ZNF496: variants seen among roughly 807,000 people sequenced by gnomAD.
ZNF496 encodes the protein zinc finger protein 496.
Under a neutral mutation model 58.9 loss-of-function variants are expected in ZNF496, and 11 were observed. The ratio of observed to expected loss-of-function variants is 0.19; its 90% CI spans 0.12 to 0.31. The LOEUF (loss-of-function observed/expected upper bound fraction) is 0.31, where lower values mean the gene tolerates loss of function less well. ZNF496 is among the 10% of genes least tolerant of loss of function. The probability of loss-of-function intolerance (pLI) is 1.00; values close to 1 mark genes in which losing one functional copy is unlikely to be tolerated. For synonymous variants in ZNF496, 338 were observed against 318.2 expected (o/e 1.06, Z -0.66); for missense variants, 660 against 783.0 (o/e 0.84, Z 1.88).
At chr1:247,325,493 C>T (rs974456670) in intron 5 of ZNF496, among the ~76,000 whole-genome samples, 10 of 152,006 alleles carry the variant, frequency 6.6e-5, no homozygotes, top group African/African-American at 2.4e-4. Context: ...CAAATCTATA[C>T]CTCATATATT....
At chr1:247,305,538 AG>A in intron 9 of ZNF496, among the ~76,000 whole-genome samples, 1 of 152,342 alleles carries the variant, frequency 6.6e-6, no homozygotes, top group East Asian at 1.9e-4. Context: ...TGCAGCGTGC[AG>A]GTAACTCCAT....
intron 6 of ZNF496, among the ~76,000 whole-genome samples, chr1:247,315,060 C>T (rs1325777183): frequency 1.8e-4 from 22 of 121,460 alleles, no homozygotes; most frequent in Admixed American, 6.3e-4. Context: ...CTTGACTAGT[C>T]TTTTTTTTTT....
intron 2 of ZNF496, among the ~76,000 whole-genome samples, chr1:247,331,030 G>A (rs1010654485): frequency 1.3e-4 from 20 of 152,154 alleles, no homozygotes; most frequent in Admixed American, 1.3e-4. Context: ...TGGAGCCCGG[G>A]GTGGGCCCCG....
chr1:247,326,949 G>A lies in ZNF496; in HGVS notation c.574+1734C>T, dbSNP rs184966749. On this transcript the variant is annotated intron_variant, in intron 5 of 9. Coordinates refer to ENST00000682384, the MANE Select transcript of ZNF496 (RefSeq NM_032752.3). Reference sequence around the variant, plus strand: ...TCCTTTCCCTGAAAGAAAACCGCCCGTCATCAAGAGTCCTGGCACAAAGCT... The same window carrying A: ...TCCTTTCCCTGAAAGAAAACCGCCCATCATCAAGAGTCCTGGCACAAAGCT... Among the ~76,000 whole-genome samples, 710 of 152,202 alleles carry A rather than the reference G, an allele frequency of 4.7e-3. 8 individuals carry two copies. The highest frequency in any genetic ancestry group is 6.8e-3 in the Non-Finnish European group (460 of 68,014).
Position 247,308,732 on chromosome 1 carries a change from A to G in ZNF496, c.893-144T>C, listed in dbSNP as rs990556595. On this transcript the variant is annotated intron_variant, in intron 8 of 9. Transcript: ENST00000682384. The surrounding 1 kb of genome is among the most constrained non-coding windows in gnomAD (Gnocchi z 4.5). ...GGGACTGGCAGGGGGTGGCCACTCAATAAGTGTCTGCTGAGTGAATGAACC... is the reference window on the plus strand; with the variant it reads ...GGGACTGGCAGGGGGTGGCCACTCAGTAAGTGTCTGCTGAGTGAATGAACC... 15 of 682,858 alleles carry G rather than the reference A, an allele frequency of 2.2e-5. No homozygotes were observed. The highest frequency in any genetic ancestry group is 7.3e-5 in the South Asian group (4 of 54,980). The allele number at this position is 682,858 out of a possible 1,614,324, so 42.3% of individuals were successfully genotyped here. A position where few individuals can be genotyped will look rare whatever the true frequency, so the allele number is the denominator to read the frequency against.
Position 247,310,303 on chromosome 1 carries a change from TG to T in ZNF496, c.784+20del. On this transcript the variant is annotated intron_variant, in intron 7 of 9. Coordinates refer to ENST00000682384, the MANE Select transcript of ZNF496 (RefSeq NM_032752.3). ...TGCCCAGTTCCCTGGTCTTGAGGTGTGGGGGGAAGTTAAGTCTTACTTGGAG... is the reference window on the plus strand; with the variant it reads ...TGCCCAGTTCCCTGGTCTTGAGGTGTGGGGGAAGTTAAGTCTTACTTGGAG... 1 of 1,613,848 alleles carries T rather than the reference TG, an allele frequency of 6.2e-7. No homozygotes were observed. Among genetic ancestry groups the T allele is most frequent in the South Asian group, 1.1e-5 (1 of 91,064 alleles).
intron 6 of ZNF496, among the ~76,000 whole-genome samples, chr1:247,317,375 A>T (rs987780650): frequency 2.0e-5 from 3 of 152,232 alleles, no homozygotes; most frequent in Admixed American, 6.5e-5. Context: ...CAAACAGGTA[A>T]TAACTGCTCT....
intron 6 of ZNF496, chr1:247,322,861 T>C (rs777417444): frequency 8.7e-7 from 1 of 1,153,502 alleles, no homozygotes; most frequent in South Asian, 1.3e-5. Context: ...AACTTAGACA[T>C]GCTGAGAGGC....
At chr1:247,315,767 A>G (rs1659747598) in intron 6 of ZNF496, among the ~76,000 whole-genome samples, 1 of 152,236 alleles carries the variant, frequency 6.6e-6, no homozygotes, top group South Asian at 2.1e-4. Flanking sequence ...AATAAAAAGA[A>G]AGAGAATACC....
chr1:247,310,491 G>C, intron 6 of ZNF496, 35 bp from the exon 7 acceptor site: 2 of 1,612,542 alleles, frequency 1.2e-6, no homozygotes, highest in Non-Finnish European at 8.5e-7. Context: ...GCCTCAGTCC[G>C]GGACGAGCTA....
Position 247,308,845 on chromosome 1 carries a change from T to C in ZNF496, c.893-257A>G, listed in dbSNP as rs1338929369. 5.9e-5 allele frequency: 26 copies of C among 438,200 alleles called. No individual in the cohort carries two copies. Among genetic ancestry groups the C allele is most frequent in the Non-Finnish European group, 1.1e-4 (26 of 235,594 alleles). 27.1% of individuals were successfully genotyped at this position (438,200 alleles called of 1,614,324 possible). On this transcript the variant is annotated intron_variant, in intron 8 of 9. Transcript: ENST00000682384. The surrounding 1 kb of genome is among the most constrained non-coding windows in gnomAD (Gnocchi z 4.5). The stretch of plus-strand genomic sequence containing the variant: ...TCCGGGTTCTACTCCACCCACTCTA[T>C]GGCCAGAGACAAGCACTTCCCCCAG...
At chr1:247,331,013 C>T (rs553346388) in intron 2 of ZNF496, among the ~76,000 whole-genome samples, 1 of 152,226 alleles carries the variant, frequency 6.6e-6, no homozygotes, top group African/African-American at 2.4e-5. Flanking sequence ...AGGGCGGCTC[C>T]GGCATCTGGA....
At position 247,300,297 on chromosome 1, in the gene ZNF496, T is replaced by C; in HGVS notation, c.*222A>G. 1 of 455,276 alleles carries C rather than the reference T, an allele frequency of 2.2e-6. No individual in the cohort carries two copies. The highest frequency in any genetic ancestry group is 3.8e-6 in the Non-Finnish European group (1 of 263,698). 28.2% of individuals were successfully genotyped at this position (455,276 alleles called of 1,614,324 possible). A position where few individuals can be genotyped will look rare whatever the true frequency, so the allele number is the denominator to read the frequency against. ...GGTGATGGCACATCCCCCCCGTTTT[T>C]TGGCACAGCAGAAACAGAACACTCA... On this transcript the variant is annotated 3_prime_UTR_variant, in exon 10 of 10. Transcript: ENST00000682384. This position sits in a 1 kb window ranked among gnomAD's most constrained non-coding sequence, Gnocchi z 5.7.
At position 247,300,797 on chromosome 1, in the gene ZNF496, T is replaced by C. The variant is rs1659213128; in HGVS notation, c.1486A>G (p.Lys496Glu). 1 of 1,601,552 alleles carries C rather than the reference T, an allele frequency of 6.2e-7. No homozygotes were observed. The change falls in exon 10 of 10, where the codon AAG becomes GAG. Residue 496 changes from lysine (K) to glutamate (E), a missense_variant. Transcript: ENST00000682384. This position sits in a 1 kb window ranked among gnomAD's most constrained non-coding sequence, Gnocchi z 5.7. ...TCCTCGGATGCCGCCTGCTCTCTCT[T>C]CTCCACCGGCTGGAGTCTGTCCGGC... ...LQPDRLQPVE[K>E]REQAASEDAD... is the part of the protein sequence containing the mutation.
intron 5 of ZNF496, among the ~76,000 whole-genome samples, chr1:247,325,185 C>A (rs1660082566): frequency 6.6e-6 from 1 of 152,156 alleles, no homozygotes; most frequent in Admixed American, 6.5e-5. Flanking sequence ...CTATGTGGAA[C>A]AAAGGACGGG....
chr1:247,313,006 C>T (rs1298457196), intron 6 of ZNF496: 1 of 152,154 alleles, frequency 6.6e-6, no homozygotes, highest in African/African-American at 2.4e-5. Context: ...TAGGAAGTCC[C>T]CAGCTGATAC....
chr1:247,316,574 C>T (rs545019565), intron 6 of ZNF496, among the ~76,000 whole-genome samples: 3 of 152,270 alleles, frequency 2.0e-5, no homozygotes, highest in South Asian at 2.1e-4. Flanking sequence ...CCCACCAGCA[C>T]GAACGCTCTC....
Position 247,309,174 on chromosome 1 carries a change from G to A in ZNF496, c.892+525C>T, listed in dbSNP as rs1228854238. On this transcript the variant is annotated intron_variant, in intron 8 of 9. Transcript: ENST00000682384. The surrounding 1 kb of genome is among the most constrained non-coding windows in gnomAD (Gnocchi z 4.3). Reference sequence around the variant, plus strand: ...ATGCTTCGAAGCACCATGGCATGGAGATCATGGGTGCAAGTGCTGGCGACA... The same window carrying A: ...ATGCTTCGAAGCACCATGGCATGGAAATCATGGGTGCAAGTGCTGGCGACA... 2 of 169,038 alleles carry A rather than the reference G, an allele frequency of 1.2e-5. No individual in the cohort carries two copies. Among genetic ancestry groups the A allele is most frequent in the African/African-American group, 4.8e-5 (2 of 41,670 alleles). The allele number at this position is 169,038 out of a possible 1,614,324, so 10.5% of individuals were successfully genotyped here.
intron 6 of ZNF496, among the ~76,000 whole-genome samples, chr1:247,314,520 A>T (rs1659710074): frequency 6.6e-6 from 1 of 150,462 alleles, no homozygotes; most frequent in Non-Finnish European, 1.5e-5. Flanking sequence ...AGTCCTTTAT[A>T]TAATTGGAAA....
Sources: gnomAD v4.1 joint callset for allele counts (sites outside exome capture counted in the v4.1 genomes callset) on GRCh38, gnomAD v4.1.1 for gene constraint, Gnocchi (gnomAD v3.1) non-coding constraint, MANE v1.5 for transcripts, NCBI Gene and HGNC (gene_info 2026-07-23, HGNC 2026-07-21) for gene names.